ZFP1: variants seen among roughly 807,000 people sequenced by gnomAD.
The protein encoded by ZFP1 is zinc finger protein 1 homolog.
In ZFP1, 32 loss-of-function variants were observed where a neutral mutation model predicts 38.5. The ratio of observed to expected loss-of-function variants is 0.83; its 90% CI spans 0.63 to 1.12. ZFP1 has a LOEUF of 1.12. Ranked by LOEUF, ZFP1 falls within the 50% of genes most tolerant of loss-of-function variation. The pLI is 0.00. For missense variants in ZFP1, 616 were observed against 480.8 expected, an observed-to-expected ratio of 1.28 and a Z score of -2.63; for synonymous variants, 245 against 168.8, an observed-to-expected ratio of 1.45 and a Z score of -3.50.
At chr16:75,158,230 C>CT (rs1363924279) in intron 2 of ZFP1, among the ~76,000 whole-genome samples, 7 of 151,214 alleles carry the variant, frequency 4.6e-5, no homozygotes, top group Non-Finnish European at 1.0e-4. Flanking sequence ...TTTCTTTTTT[C>CT]TTTTTTTGAG....
chr16:75,144,124 A>C (rs1054999856), upstream of ZFP1: 4 of 152,198 alleles, frequency 2.6e-5, no homozygotes, highest in African/African-American at 9.7e-5. Context: ...TGTGAATTTT[A>C]GAAGGTCTTG....
At chr16:75,140,080 C>T in the ZFP1 span, among the ~76,000 whole-genome samples, 1 of 152,020 alleles carries the variant, frequency 6.6e-6, no homozygotes, top group Non-Finnish European at 1.5e-5. Flanking sequence ...ACCAGCCTGA[C>T]CAACGTGGAG....
intron 2 of ZFP1, among the ~76,000 whole-genome samples, chr16:75,153,677 T>TA (rs1241957087): frequency 6.6e-6 from 1 of 152,212 alleles, no homozygotes; most frequent in Admixed American, 6.5e-5. Flanking sequence ...TGTATATTGT[T>TA]ACAGTTGATG....
upstream of ZFP1, among the ~76,000 whole-genome samples, chr16:75,143,835 T>C (rs1369582203): frequency 1.3e-5 from 2 of 151,668 alleles, no homozygotes; most frequent in African/African-American, 2.4e-5. Flanking sequence ...TTTATTTTTT[T>C]GGTAGAGATG....
chr16:75,168,826 T>G (rs1006811248), intron 3 of ZFP1, among the ~76,000 whole-genome samples: 1 of 152,166 alleles, frequency 6.6e-6, no homozygotes, highest in African/African-American at 2.4e-5. Context: ...AATAATACTA[T>G]TAGTCGAGAT....
intron 2 of ZFP1, among the ~76,000 whole-genome samples, chr16:75,154,825 T>A (rs1469488096): frequency 6.6e-6 from 1 of 151,996 alleles, no homozygotes. Flanking sequence ...TGAGATGGAG[T>A]CTTGCTCTGT....
In ZFP1 at chr16:75,169,719, G is replaced by C. The variant is rs1437742381; in HGVS notation, c.609G>C (p.Lys203Asn). ...FSFKSLLISHKRIHTGEKPYE... is the reference protein window; with the variant it reads ...FSFKSLLISHNRIHTGEKPYE... The stretch of plus-strand genomic sequence containing the variant: ...TTAAGTCACTCCTCATTAGTCATAA[G>C]AGAATACATACTGGAGAAAAGCCAT... Residue 203 changes from lysine to asparagine, a missense_variant, in exon 4 of 4, where the codon AAG (lysine) becomes AAC (asparagine). Coordinates refer to ENST00000570010, the MANE Select transcript of ZFP1 (RefSeq NM_153688.4). 2.2e-5 allele frequency: 36 copies of C among 1,613,280 alleles called. No homozygotes were observed. Among genetic ancestry groups the C allele is most frequent in the Non-Finnish European group, 3.0e-5 (35 of 1,179,604 alleles).
chr16:75,141,210 T>C, the ZFP1 span, among the ~76,000 whole-genome samples: 1 of 133,946 alleles, frequency 7.5e-6, no homozygotes, highest in Non-Finnish European at 1.6e-5. Flanking sequence ...TTTTTTTTTT[T>C]TTTTTTTTTT....
At chr16:75,148,334 G>C (rs1597025424), upstream of ZFP1, among the ~76,000 whole-genome samples, 2 of 152,300 alleles carry the variant, frequency 1.3e-5, no homozygotes, top group East Asian at 3.9e-4. Context: ...AGGCTAAGGA[G>C]ATTATTTTGG....
the ZFP1 span, among the ~76,000 whole-genome samples, chr16:75,142,279 A>C: frequency 6.6e-6 from 1 of 151,770 alleles, no homozygotes; most frequent in African/African-American, 2.4e-5. Context: ...AGGCAGGAGA[A>C]TCATTTTAAC....
upstream of ZFP1, among the ~76,000 whole-genome samples, chr16:75,148,027 C>G (rs1392715462): frequency 1.3e-5 from 2 of 151,878 alleles, no homozygotes; most frequent in African/African-American, 4.8e-5. Flanking sequence ...TAGATCTCAA[C>G]AAATATATAT....
At chr16:75,164,220 G>C (rs763858678) in intron 2 of ZFP1, among the ~76,000 whole-genome samples, 11 of 152,038 alleles carry the variant, frequency 7.2e-5, no homozygotes, top group Non-Finnish European at 1.5e-4. Context: ...ATTATATGTA[G>C]GTTTTTAAAC....
At chr16:75,163,182 C>G (rs1367080007) in intron 2 of ZFP1, among the ~76,000 whole-genome samples, 1 of 152,108 alleles carries the variant, frequency 6.6e-6, no homozygotes, top group Non-Finnish European at 1.5e-5. Flanking sequence ...GTTGGGATTA[C>G]AGGCATGAGC....
Position 75,169,619 on chromosome 16 carries a change from C to G in ZFP1, c.509C>G (p.Ala170Gly), listed in dbSNP as rs760133505. Reference sequence around the variant, plus strand: ...GGAAAAGCCCTCAGCCATAAAGCAGCCATTTTTAAACATCAGAAAATAAAA... The same window carrying G: ...GGAAAAGCCCTCAGCCATAAAGCAGGCATTTTTAAACATCAGAAAATAAAA... ...KSGKALSHKA[A>G]IFKHQKIKNL... Residue 170 changes from alanine (A) to glycine (G), a missense_variant, in exon 4 of 4, where the codon GCC becomes GGC. Physicochemically the swap from Ala to Gly is moderately conservative, Grantham distance 60. Coordinates refer to ENST00000570010, the MANE Select transcript of ZFP1 (RefSeq NM_153688.4). The G allele has an allele frequency of 2.5e-6, 4 of 1,592,750 alleles. No individual in the cohort carries two copies. The African/African-American group carries it at 4.1e-5, about 16-fold the overall frequency.
chr16:75,168,941 C>T (rs151031073), intron 3 of ZFP1, among the ~76,000 whole-genome samples: 194 of 152,288 alleles, frequency 1.3e-3, no homozygotes, highest in African/African-American at 4.4e-3. Flanking sequence ...CCTGGCATTG[C>T]CAGCCTTCTC....
In ZFP1 at chr16:75,170,769, C is replaced by G. The variant is rs1032184016; in HGVS notation, c.*435C>G. On this transcript the variant is annotated 3_prime_UTR_variant, in exon 4 of 4. Transcript: ENST00000570010. ...TTCTTGTCCTCTGTGATAATTAGGA[C>G]ATAACAAGATTTTCCATACTAAACA... 1.3e-5 allele frequency: 2 copies of G among 156,914 alleles called. No individual in the cohort carries two copies. The highest frequency in any genetic ancestry group is 3.8e-4 in the East Asian group (2 of 5,288). 9.7% of individuals were successfully genotyped at this position (156,914 alleles called of 1,614,324 possible). A position where few individuals can be genotyped will look rare whatever the true frequency, so the allele number is the denominator to read the frequency against.
the ZFP1 span, among the ~76,000 whole-genome samples, chr16:75,125,990 C>T: frequency 7.2e-6 from 1 of 138,466 alleles, no homozygotes; most frequent in African/African-American, 2.7e-5. Context: ...TTGCAGTGAG[C>T]AGTGAGCTGA....
chr16:75,162,218 G>C (rs1211503714), intron 2 of ZFP1, among the ~76,000 whole-genome samples: 1 of 151,880 alleles, frequency 6.6e-6, no homozygotes, highest in African/African-American at 2.4e-5. Flanking sequence ...GACCTCCTTG[G>C]CTCAAGCAAT....
At chr16:75,157,972 G>C (rs1173615641) in intron 2 of ZFP1, among the ~76,000 whole-genome samples, 7 of 151,746 alleles carry the variant, frequency 4.6e-5, no homozygotes, top group African/African-American at 1.7e-4. Flanking sequence ...GTTTTTGGTA[G>C]AGATGGGATC....
Sources: allele counts gnomAD v4.1 joint callset (sites outside exome capture counted in the v4.1 genomes callset), GRCh38; gene constraint gnomAD v4.1.1; transcripts MANE v1.5; gene names NCBI Gene and HGNC (gene_info 2026-07-23, HGNC 2026-07-21).